The following MSANTD5 variants were observed in gnomAD, a reference collection of about 807,000 sequenced individuals.
MSANTD5 encodes the protein Myb/SANT DNA binding domain containing 5.
chr5:178,696,946 T>C (rs1765418970), intron 1 of MSANTD5, among the ~76,000 whole-genome samples: 1 of 152,124 alleles, frequency 6.6e-6, no homozygotes. Flanking sequence ...GGGGTCACTC[T>C]GGGCGGTGAA....
At chr5:178,704,090 C>T in the MSANTD5 span, among the ~76,000 whole-genome samples, 59 of 151,816 alleles carry the variant, frequency 3.9e-4, no homozygotes, top group African/African-American at 1.4e-3. Flanking sequence ...ACTTATATAC[C>T]CCAAAAAATT....
upstream of MSANTD5, among the ~76,000 whole-genome samples, chr5:178,698,327 CAAGT>C (rs766259981): frequency 5.1e-4 from 78 of 152,200 alleles, no homozygotes; most frequent in Non-Finnish European, 7.6e-4. Context: ...ATAGTTTGGG[CAAGT>C]AAGTGACGGT....
chr5:178,701,298 T>A (rs903030143), upstream of MSANTD5, among the ~76,000 whole-genome samples: 5 of 152,014 alleles, frequency 3.3e-5, no homozygotes, highest in Non-Finnish European at 7.4e-5. Context: ...TTTAAATATT[T>A]GGGAAAATCA....
At chr5:178,700,431 C>T (rs1765464741), upstream of MSANTD5, among the ~76,000 whole-genome samples, 1 of 152,152 alleles carries the variant, frequency 6.6e-6, no homozygotes, top group African/African-American at 2.4e-5. Flanking sequence ...GGAGAAAAGT[C>T]CTCTGGTTAT....
chr5:178,705,477 C>T, the MSANTD5 span, among the ~76,000 whole-genome samples: 1 of 152,140 alleles, frequency 6.6e-6, no homozygotes, highest in Non-Finnish European at 1.5e-5. Flanking sequence ...ACTTATATCT[C>T]ACCCTCCAAG....
At chr5:178,707,337 C>G in the MSANTD5 span, among the ~76,000 whole-genome samples, 1 of 152,036 alleles carries the variant, frequency 6.6e-6, no homozygotes, top group Non-Finnish European at 1.5e-5. Flanking sequence ...CAGAGGTTGT[C>G]TGTGTAGCAT....
At chr5:178,705,649 C>G in the MSANTD5 span, among the ~76,000 whole-genome samples, 2 of 152,002 alleles carry the variant, frequency 1.3e-5, no homozygotes, top group African/African-American at 4.8e-5. Context: ...CCCCGTATCC[C>G]CAACTGCAAA....
At chr5:178,693,754 C>T (rs892697186), downstream of MSANTD5, among the ~76,000 whole-genome samples, 35 of 151,940 alleles carry the variant, frequency 2.3e-4, no homozygotes, top group Admixed American at 4.6e-4. Context: ...TTATAGAATG[C>T]TGATTGGTGC....
upstream of MSANTD5, among the ~76,000 whole-genome samples, chr5:178,702,485 G>A (rs1453566600): frequency 2.0e-5 from 3 of 151,780 alleles, no homozygotes; most frequent in Non-Finnish European, 2.9e-5. Flanking sequence ...ATTTTTAGTA[G>A]AGACGGGCTT....
downstream of MSANTD5, among the ~76,000 whole-genome samples, chr5:178,693,836 T>C (rs560904024): frequency 2.6e-4 from 39 of 151,960 alleles, no homozygotes; most frequent in Admixed American, 2.3e-3. Context: ...TCAGAAAAGT[T>C]CTCCAAGTCC....
At chr5:178,704,045 A>T in the MSANTD5 span, among the ~76,000 whole-genome samples, 1 of 152,060 alleles carries the variant, frequency 6.6e-6, no homozygotes, top group South Asian at 2.1e-4. Context: ...ATACTGATCT[A>T]ATTTTTACCA....
downstream of MSANTD5, among the ~76,000 whole-genome samples, chr5:178,692,230 A>G: frequency 1.4e-5 from 2 of 144,476 alleles, 1 homozygote; most frequent in Admixed American, 1.4e-4. Context: ...AAATACAAAA[A>G]TTAGCTAGGC....
At chr5:178,694,908 T>C (rs1765395162) in exon 4 of MSANTD5, 1 of 152,026 alleles carries the variant, frequency 6.6e-6, no homozygotes, top group African/African-American at 2.4e-5. Flanking sequence ...GGGCGGGTGC[T>C]CGGGAGGTGC....
chr5:178,697,279 C>T (rs962192638), intron 1 of MSANTD5, among the ~76,000 whole-genome samples: 1 of 148,298 alleles, frequency 6.7e-6, no homozygotes, highest in Non-Finnish European at 1.5e-5. Flanking sequence ...ACGGTGAAAC[C>T]CCGTCTCTAC....
intron 1 of MSANTD5, among the ~76,000 whole-genome samples, chr5:178,696,832 G>A (rs62392820): frequency 1.7e-3 from 255 of 151,902 alleles, no homozygotes; most frequent in African/African-American, 6.0e-3. Flanking sequence ...GAGCTCTGTG[G>A]ATCTACTGGG....
the MSANTD5 span, among the ~76,000 whole-genome samples, chr5:178,706,774 C>G: frequency 6.6e-6 from 1 of 151,926 alleles, no homozygotes. Flanking sequence ...CTTCTTCTGC[C>G]ACAGCCCTCA....
chr5:178,699,010 T>A (rs1765449523), upstream of MSANTD5, among the ~76,000 whole-genome samples: 1 of 152,078 alleles, frequency 6.6e-6, no homozygotes, highest in Non-Finnish European at 1.5e-5. Flanking sequence ...AGGCCTCCAT[T>A]TCCTGATGCC....
downstream of MSANTD5, among the ~76,000 whole-genome samples, chr5:178,692,145 C>A (rs914743338): frequency 7.5e-6 from 1 of 132,916 alleles, no homozygotes; most frequent in Admixed American, 7.6e-5. Context: ...TTTGGGAGGC[C>A]GAGGTGGGTG....
downstream of MSANTD5, among the ~76,000 whole-genome samples, chr5:178,693,978 T>C (rs150330223): frequency 6.2e-4 from 94 of 152,090 alleles, 1 homozygote; most frequent in African/African-American, 2.2e-3. Context: ...AAGTAAGATA[T>C]CAGCTTTAAT....
Sources: allele counts gnomAD v4.1 joint callset (sites outside exome capture counted in the v4.1 genomes callset), GRCh38; gene constraint gnomAD v4.1.1; transcripts MANE v1.5; gene names NCBI Gene and HGNC (gene_info 2026-07-23, HGNC 2026-07-21).